EP400: variants seen among roughly 807,000 people sequenced by gnomAD.
EP400 encodes the protein E1A-binding protein p400.
A neutral mutation model predicts 354.1 loss-of-function variants in EP400; 105 were observed. The ratio of observed to expected loss-of-function variants is 0.30; its 90% CI spans 0.25 to 0.35. The LOEUF is 0.35. EP400 is among the 10% of genes least tolerant of loss of function. The pLI is 1.00. For missense variants in EP400, 3,280 were observed against 4,121.0 expected, an observed-to-expected ratio of 0.80 and a Z score of 5.59; for synonymous variants, 1,646 against 1,716.9, an observed-to-expected ratio of 0.96 and a Z score of 1.02.
At chr12:131,950,511 G>A (rs1891432454) in intron 1 of EP400, among the ~76,000 whole-genome samples, 1 of 152,168 alleles carries the variant, frequency 6.6e-6, no homozygotes, top group South Asian at 2.1e-4. Flanking sequence ...GGCGCGACGG[G>A]GCGAATTCAC....
chr12:131,952,929 G>A (rs1448179570), intron 1 of EP400, among the ~76,000 whole-genome samples: 1 of 152,054 alleles, frequency 6.6e-6, no homozygotes, highest in African/African-American at 2.4e-5. Flanking sequence ...AATACATAGA[G>A]CTCGTTAAGA....
chr12:132,011,434 C>T (rs1345241749), intron 15 of EP400, 64 bp from the exon 16 acceptor site: 5 of 1,582,910 alleles, frequency 3.2e-6, no homozygotes, highest in South Asian at 1.2e-5. Context: ...TGGTCAGACA[C>T]AGTGCTAGGT....
intron 23 of EP400, 43 bp downstream of exon 23, chr12:132,021,364 C>G: frequency 1.4e-6 from 2 of 1,468,726 alleles, no homozygotes; most frequent in East Asian, 5.1e-5. Context: ...TCTCTCTACC[C>G]CAGAGGAGTT....
chr12:131,955,676 G>A (rs535341528), intron 1 of EP400, among the ~76,000 whole-genome samples: 10 of 150,854 alleles, frequency 6.6e-5, no homozygotes, highest in Non-Finnish European at 1.3e-4. Flanking sequence ...ACAGAATCTC[G>A]CTCTGTTGCC....
rs201435360 is a variant in EP400, at chr12:131,998,624, CTGTT to C, written c.2827+3673_2827+3676del. Among the ~76,000 whole-genome samples the C allele has an allele frequency of 2.8e-3, 415 of 149,386 alleles. No individual in the cohort carries two copies. The East Asian group carries it at 0.03, about 11-fold the overall frequency. On this transcript the variant is annotated intron_variant, in intron 12 of 52. Transcript: ENST00000389561. ...TTATACTCAGCAACTTTTCTGAACT[CTGTT>C]TGTTAATTCTTTGTATACAGTCTTG...
intron 21 of EP400, among the ~76,000 whole-genome samples, chr12:132,019,451 C>T (rs551624063): frequency 9.1e-4 from 139 of 152,122 alleles, no homozygotes; most frequent in Non-Finnish European, 1.7e-3. Flanking sequence ...TGCCTGTAAT[C>T]CCAGTGCTTT....
chr12:131,958,024 A>C (rs575490961), intron 1 of EP400, among the ~76,000 whole-genome samples: 1 of 152,210 alleles, frequency 6.6e-6, no homozygotes, highest in Admixed American at 6.5e-5. Context: ...CTGAATTACT[A>C]TATGTGAGAG....
Position 132,043,776 on chromosome 12 carries a change from A to G in EP400, c.6450+48A>G, listed in dbSNP as rs780389318. 47 of 1,509,168 alleles carry G rather than the reference A, an allele frequency of 3.1e-5. 1 individual carries two copies. The South Asian group carries it at 4.8e-4, about 15-fold the overall frequency. The allele number at this position is 1,509,168 out of a possible 1,614,324, so 93.5% of individuals were successfully genotyped here. The stretch of plus-strand genomic sequence containing the variant: ...AGTGAAAAAAATTTGCAATATTTTC[A>G]GAGTTAAGTTTGATTTGAAGTAAAT... On this transcript the variant is annotated intron_variant, in intron 34 of 52. Coordinates refer to ENST00000389561, the MANE Select transcript of EP400 (RefSeq NM_015409.5).
At chr12:131,985,016 T>G (rs897415756) in intron 5 of EP400, among the ~76,000 whole-genome samples, 6 of 137,062 alleles carry the variant, frequency 4.4e-5, no homozygotes, top group African/African-American at 6.2e-5. Flanking sequence ...TAGGCAACTG[T>G]TTTTTTTTTT....
At chr12:131,996,293 C>T (rs940508598) in intron 12 of EP400, among the ~76,000 whole-genome samples, 1 of 123,398 alleles carries the variant, frequency 8.1e-6, no homozygotes, top group African/African-American at 4.3e-5. Context: ...CAGGAAGGAA[C>T]TCTTTTTTTT....
intron 22 of EP400, 147 bp from the exon 23 acceptor site, chr12:132,020,932 G>A: frequency 9.2e-7 from 1 of 1,082,736 alleles, no homozygotes; most frequent in Non-Finnish European, 1.3e-6. Context: ...TAAACTATAT[G>A]GCCCCTCTTT....
At position 132,017,180 on chromosome 12, in the gene EP400, GGT is replaced by G. The variant is rs1277915253; in HGVS notation, c.3924-349_3924-348del. Reference sequence around the variant, plus strand: ...GACCAGGCGTCAGAGCTGCCGAGCGGGTGTGTGAGGGGCTTTACTCTGCTGCG... The same window carrying G: ...GACCAGGCGTCAGAGCTGCCGAGCGGGTGTGAGGGGCTTTACTCTGCTGCG... On this transcript the variant is annotated intron_variant, in intron 19 of 52. Coordinates refer to ENST00000389561, the MANE Select transcript of EP400 (RefSeq NM_015409.5). This position sits in a 1 kb window ranked among gnomAD's most constrained non-coding sequence, Gnocchi z 5.0. Among the ~76,000 whole-genome samples, 1 of 119,414 alleles carries G rather than the reference GGT, an allele frequency of 8.4e-6. No homozygotes were observed. The highest frequency in any genetic ancestry group is 1.6e-5 in the Non-Finnish European group (1 of 64,006). The allele number at this position is 119,414 out of a possible 152,430, so 78.3% of individuals were successfully genotyped here. A position where few individuals can be genotyped will look rare whatever the true frequency, so the allele number is the denominator to read the frequency against.
In EP400 at chr12:132,013,971, G is replaced by A. The variant is rs772308356; in HGVS notation, c.3923+58G>A. On this transcript the variant is annotated intron_variant, in intron 19 of 52. Coordinates refer to ENST00000389561, the MANE Select transcript of EP400 (RefSeq NM_015409.5). The surrounding 1 kb of genome is among the most constrained non-coding windows in gnomAD (Gnocchi z 4.5). ...GCTGTCCCTGCCTGTGAGGGAAAACGGCCCTTTCTGTGGCCTCAGCAGAAA... is the reference window on the plus strand; with the variant it reads ...GCTGTCCCTGCCTGTGAGGGAAAACAGCCCTTTCTGTGGCCTCAGCAGAAA... 33 of 1,591,074 alleles carry A rather than the reference G, an allele frequency of 2.1e-5. No homozygotes were observed. Among genetic ancestry groups the A allele is most frequent in the East Asian group, 4.5e-5 (2 of 44,692 alleles).
intron 2 of EP400, among the ~76,000 whole-genome samples, chr12:131,974,444 T>C (rs1892399315): frequency 6.6e-6 from 1 of 152,180 alleles, no homozygotes; most frequent in Non-Finnish European, 1.5e-5. Flanking sequence ...TTTATTTAAA[T>C]AGGGCAGAAA....
At position 132,006,927 on chromosome 12, in the gene EP400, T is replaced by G. The variant is rs375229638; in HGVS notation, c.3304+50T>G. ...CAATACCTATTTGCTAGGACTTACC[T>G]ATAGGCCAGTGTGTTTGATGGGAGT... is the stretch of plus-strand genomic sequence containing the variant. On this transcript the variant is annotated intron_variant, in intron 15 of 52. Transcript: ENST00000389561. 11 of 1,601,438 alleles carry G rather than the reference T, an allele frequency of 6.9e-6. No individual in the cohort carries two copies. In the African/African-American group the frequency reaches 1.3e-4, roughly 20 times the overall value.
Position 132,029,786 on chromosome 12 carries a change from A to G in EP400, c.5467A>G (p.Arg1823Gly), listed in dbSNP as rs747181079. ...GCCACCCCTGTACAGCCACAGAATG[A>G]GGATCTTGAGGCAGGGCCTGAGAGA... ...RPPPLYSHRM[R>G]ILRQGLREHA... The change falls in exon 28 of 53, where the codon AGG becomes GGG. Residue 1823 changes from arginine (R) to glycine (G), a missense_variant. Physicochemically the swap from Arg to Gly is moderately radical, Grantham distance 125 (BLOSUM62 -2). This residue lies in a region of EP400 where 459 missense variants were observed against 496.9 expected (regional missense o/e 0.92). Coordinates refer to ENST00000389561, the MANE Select transcript of EP400 (RefSeq NM_015409.5). This position sits in a 1 kb window ranked among gnomAD's most constrained non-coding sequence, Gnocchi z 4.7. 1 of 1,613,704 alleles carries G rather than the reference A, an allele frequency of 6.2e-7. No individual in the cohort carries two copies. The highest frequency in any genetic ancestry group is 8.5e-7 in the Non-Finnish European group (1 of 1,180,034).
rs1895920883 is a variant in EP400 at position 132,067,233 on chromosome 12, GCTTA to G, written c.8750-125_8750-122del. 4 of 1,366,970 alleles carry G rather than the reference GCTTA, an allele frequency of 2.9e-6. No individual in the cohort carries two copies. The African/African-American group carries it at 5.8e-5, about 20-fold the overall frequency. 84.7% of individuals were successfully genotyped at this position (1,366,970 alleles called of 1,614,324 possible). On this transcript the variant is annotated intron_variant, in intron 49 of 52. Transcript: ENST00000389561. This position sits in a 1 kb window ranked among gnomAD's most constrained non-coding sequence, Gnocchi z 5.3. ...AACATTTTAATGTAGTTAAGGGATG[GCTTA>G]CTTGTCTCCATAGAGTTTCATAGTT...
chr12:132,077,930 T>C lies in EP400; in HGVS notation c.*257T>C, dbSNP rs1351628976. 1.6e-5 allele frequency: 8 copies of C among 515,476 alleles called. No individual in the cohort carries two copies. Among genetic ancestry groups the C allele is most frequent in the African/African-American group, 1.5e-4 (8 of 52,488 alleles). 31.9% of individuals were successfully genotyped at this position (515,476 alleles called of 1,614,324 possible). A position where few individuals can be genotyped will look rare whatever the true frequency, so the allele number is the denominator to read the frequency against. On this transcript the variant is annotated 3_prime_UTR_variant, in exon 53 of 53. Transcript: ENST00000389561. Reference sequence around the variant, plus strand: ...ATGGCTTCCTCTAAATCATTTCACCTTTCAGTCCCCACCCGCACCCGTCCC... The same window carrying C: ...ATGGCTTCCTCTAAATCATTTCACCCTTCAGTCCCCACCCGCACCCGTCCC...
At chr12:132,061,873 C>T (rs918251444) in intron 45 of EP400, among the ~76,000 whole-genome samples, 1 of 152,246 alleles carries the variant, frequency 6.6e-6, no homozygotes, top group African/African-American at 2.4e-5. Flanking sequence ...CACGGGCGTG[C>T]CGCCATCTGA....
Sources: gnomAD v4.1 joint callset for allele counts (sites outside exome capture counted in the v4.1 genomes callset) on GRCh38, gnomAD v4.1.1 for gene constraint, gnomAD v4.1.1 regional missense constraint, Gnocchi (gnomAD v3.1) non-coding constraint, MANE v1.5 for transcripts, NCBI Gene and HGNC (gene_info 2026-07-23, HGNC 2026-07-21) for gene names.